ZC4H2: variants seen among roughly 807,000 people sequenced by gnomAD.
The protein encoded by ZC4H2 is zinc finger C4H2-type containing, also known as zinc finger C4H2 domain-containing protein.
For synonymous variants in ZC4H2, 84 were observed against 66.3 expected (o/e 1.27, Z -1.30); for missense variants, 137 against 173.9 (o/e 0.79, Z 1.19).
intron 1 of ZC4H2, among the ~76,000 whole-genome samples, chrX:64,947,126 C>T (rs146740617): frequency 2.0e-4 from 22 of 111,907 alleles, no homozygotes; most frequent in Admixed American, 7.6e-4. Flanking sequence ...AGTGTCCAAG[C>T]GTGTGTAGAT....
At chrX:65,000,030 C>T (rs929339052) in intron 1 of ZC4H2, among the ~76,000 whole-genome samples, 2 of 112,380 alleles carry the variant, frequency 1.8e-5, no homozygotes, top group Non-Finnish European at 3.8e-5. Context: ...CAGATTTAAA[C>T]GTTCATGCCT....
At chrX:65,007,127 T>C (rs12851605) in intron 1 of ZC4H2, among the ~76,000 whole-genome samples, 1 of 110,657 alleles carries the variant, frequency 9.0e-6, no homozygotes, top group Admixed American at 9.5e-5. Flanking sequence ...TAAATACTTG[T>C]TGTTCAAAAA....
intron 1 of ZC4H2, among the ~76,000 whole-genome samples, chrX:64,968,653 C>G (rs189249195): frequency 9.0e-6 from 1 of 111,294 alleles, no homozygotes; most frequent in African/African-American, 3.3e-5. Flanking sequence ...GAGGCTAAAG[C>G]ACAGCTAGTA....
chrX:65,010,867 A>C (rs1376961122), intron 1 of ZC4H2, among the ~76,000 whole-genome samples: 2 of 112,106 alleles, frequency 1.8e-5, no homozygotes. Context: ...ATAAATACAG[A>C]ATTTATTTTC....
At position 64,918,966 on chromosome X, in the gene ZC4H2, C is replaced by T. The variant is rs1929053317; in HGVS notation, c.561+76G>A. On this transcript the variant is annotated intron_variant, in intron 4 of 4. Coordinates refer to ENST00000374839, the MANE Select transcript of ZC4H2 (RefSeq NM_018684.4). Reference sequence around the variant, plus strand: ...GGCCCAGCATAAATAAAGCCAAAGACCCAGAACTAGCCTTCCACGGCCCTT... The same window carrying T: ...GGCCCAGCATAAATAAAGCCAAAGATCCAGAACTAGCCTTCCACGGCCCTT... 3 of 1,104,128 alleles carry T rather than the reference C, an allele frequency of 2.7e-6. No homozygotes were observed. The Admixed American group carries it at 9.3e-5, about 34-fold the overall frequency. The allele number at this position is 1,104,128 out of a possible 1,213,427, so 91.0% of individuals were successfully genotyped here.
intron 1 of ZC4H2, among the ~76,000 whole-genome samples, chrX:65,029,334 A>C (rs1932911727): frequency 8.9e-6 from 1 of 111,854 alleles, no homozygotes; most frequent in South Asian, 3.8e-4. Context: ...TTCTTAACAA[A>C]ATAGGTTTTA....
At chrX:65,033,115 T>G (rs1433874674) in intron 1 of ZC4H2, among the ~76,000 whole-genome samples, 3 of 112,181 alleles carry the variant, frequency 2.7e-5, no homozygotes, top group African/African-American at 9.7e-5. Context: ...ATAGGGCTTC[T>G]TAAAGTTCTT....
chrX:64,946,157 A>T (rs1206133639), intron 1 of ZC4H2, among the ~76,000 whole-genome samples: 1 of 110,693 alleles, frequency 9.0e-6, no homozygotes, highest in Admixed American at 9.6e-5. Flanking sequence ...AAAACAAAAC[A>T]AAACAAAAAA....
At chrX:65,005,583 T>G (rs1162227557) in intron 1 of ZC4H2, among the ~76,000 whole-genome samples, 1 of 111,133 alleles carries the variant, frequency 9.0e-6, no homozygotes, top group Admixed American at 9.5e-5. Context: ...GACTTAAGCA[T>G]TAGACCTAAA....
intron 1 of ZC4H2, among the ~76,000 whole-genome samples, chrX:64,966,492 G>T (rs1443098019): frequency 3.2e-4 from 36 of 112,482 alleles, no homozygotes; most frequent in Non-Finnish European, 5.6e-5. Flanking sequence ...AAAAAGACTT[G>T]TACACAAATG....
At chrX:65,022,081 G>T (rs759341972) in intron 1 of ZC4H2, among the ~76,000 whole-genome samples, 1 of 111,566 alleles carries the variant, frequency 9.0e-6, no homozygotes, top group Non-Finnish European at 1.9e-5. Context: ...ATTCACAGCC[G>T]AATTCTACCA....
Position 64,916,379 on chromosome X carries a change from G to A in ZC4H2, c.*1404C>T, listed in dbSNP as rs1302301507. On this transcript the variant is annotated 3_prime_UTR_variant, in exon 5 of 5. Coordinates refer to ENST00000374839, the MANE Select transcript of ZC4H2 (RefSeq NM_018684.4). ...AGAGCAAACAAGAGCTACCCAGAAA[G>A]GTAAATGACATTACATCTTTTGTAT... 9.0e-6 allele frequency: 1 copy of A among 111,446 alleles called. No homozygotes were observed. The highest frequency in any genetic ancestry group is 1.9e-5 in the Non-Finnish European group (1 of 53,069). 9.2% of individuals were successfully genotyped at this position (111,446 alleles called of 1,213,427 possible).
intron 1 of ZC4H2, among the ~76,000 whole-genome samples, chrX:64,956,183 A>G (rs1024195001): frequency 4.5e-5 from 5 of 112,025 alleles, no homozygotes; most frequent in African/African-American, 1.6e-4. Context: ...CTTGTCGCCT[A>G]TGGAGAAATA....
intron 1 of ZC4H2, among the ~76,000 whole-genome samples, chrX:64,934,745 A>C (rs1456033716): frequency 2.7e-5 from 3 of 111,498 alleles, no homozygotes; most frequent in African/African-American, 9.8e-5. Flanking sequence ...GGGGTCGGGG[A>C]ACTCCATCTC....
At chrX:64,943,900 T>C (rs1231755392) in intron 1 of ZC4H2, among the ~76,000 whole-genome samples, 3 of 111,078 alleles carry the variant, frequency 2.7e-5, no homozygotes, top group Admixed American at 1.9e-4. Context: ...TGTTGCACAA[T>C]AGTTGATGCA....
intron 1 of ZC4H2, among the ~76,000 whole-genome samples, chrX:65,025,110 C>A (rs1932866667): frequency 9.2e-6 from 1 of 108,643 alleles, no homozygotes; most frequent in African/African-American, 3.4e-5. Flanking sequence ...TCATGAAATT[C>A]CAAATCCATG....
chrX:64,972,078 C>T (rs920965525), intron 1 of ZC4H2, among the ~76,000 whole-genome samples: 5 of 111,386 alleles, frequency 4.5e-5, no homozygotes, highest in African/African-American at 1.6e-4. Flanking sequence ...TTCTTTTGTT[C>T]CATTCTTGTC....
intron 1 of ZC4H2, among the ~76,000 whole-genome samples, chrX:64,950,002 T>A (rs1486819140): frequency 2.7e-5 from 3 of 112,219 alleles, no homozygotes; most frequent in African/African-American, 9.7e-5. Context: ...TAAATTTCCC[T>A]CTACACACTG....
At chrX:65,012,219 C>A (rs1275910476) in intron 1 of ZC4H2, among the ~76,000 whole-genome samples, 1 of 62,515 alleles carries the variant, frequency 1.6e-5, no homozygotes, top group African/African-American at 8.0e-5. Flanking sequence ...CAGAAGACCC[C>A]GTCTCAAAAA....
Sources: allele counts gnomAD v4.1 joint callset (sites outside exome capture counted in the v4.1 genomes callset), GRCh38; gene constraint gnomAD v4.1.1; transcripts MANE v1.5; gene names NCBI Gene and HGNC (gene_info 2026-07-23, HGNC 2026-07-21).